The following PTPRK variants were observed in gnomAD, a reference collection of about 807,000 sequenced individuals.
PTPRK encodes the protein receptor-type tyrosine-protein phosphatase kappa.
PTPRK carries 75 observed loss-of-function variants against 178.0 expected under a neutral mutation model. The ratio of observed to expected loss-of-function variants is 0.42; its 90% CI spans 0.35 to 0.51. PTPRK has a LOEUF of 0.51. PTPRK is among the 20% of genes least tolerant of loss of function. The pLI is 0.02. For synonymous variants in PTPRK, 637 were observed against 620.6 expected, an observed-to-expected ratio of 1.03 and a Z score of -0.39; for missense variants, 1,441 against 1,797.8, an observed-to-expected ratio of 0.80 and a Z score of 3.59.
intron 13 of PTPRK, among the ~76,000 whole-genome samples, chr6:128,029,641 TAATAATAA>T (rs1489503340): frequency 2.7e-5 from 1 of 36,846 alleles, no homozygotes; most frequent in East Asian, 8.8e-4. Flanking sequence ...CATCTCAAAA[TAATAATAA>T]TAATAATAAT....
intron 1 of PTPRK, among the ~76,000 whole-genome samples, chr6:128,493,273 C>G (rs981918945): frequency 6.6e-6 from 1 of 152,132 alleles, no homozygotes; most frequent in Non-Finnish European, 1.5e-5. Flanking sequence ...ATGTACCCCC[C>G]GCTAACTGGC....
chr6:128,078,938 A>G lies in PTPRK; in HGVS notation c.1778-20T>C, dbSNP rs79489212. 2 of 1,497,150 alleles carry G rather than the reference A, an allele frequency of 1.3e-6. No individual in the cohort carries two copies. Among genetic ancestry groups the G allele is most frequent in the Non-Finnish European group, 1.9e-6 (2 of 1,075,094 alleles). 92.7% of individuals were successfully genotyped at this position (1,497,150 alleles called of 1,614,324 possible). On this transcript the variant is annotated intron_variant, in intron 10 of 29. Transcript: ENST00000368226. The stretch of plus-strand genomic sequence containing the variant: ...TTGGAGCTGATGAGTGATTAATGAG[A>G]TAAAAAAGGTTCAATTAATTTACAG...
At chr6:128,371,348 AGATT>A (rs1562377326) in intron 2 of PTPRK, among the ~76,000 whole-genome samples, 1 of 152,218 alleles carries the variant, frequency 6.6e-6, no homozygotes, top group Non-Finnish European at 1.5e-5. Context: ...TTTCTAACTC[AGATT>A]GATAGCTTGT....
intron 7 of PTPRK, among the ~76,000 whole-genome samples, chr6:128,180,764 A>G (rs1303591429): frequency 6.6e-6 from 1 of 152,106 alleles, no homozygotes; most frequent in Non-Finnish European, 1.5e-5. Flanking sequence ...ATATTAACCT[A>G]TATTTTCTCA....
intron 7 of PTPRK, among the ~76,000 whole-genome samples, chr6:128,112,266 G>C (rs145867829): frequency 6.6e-6 from 1 of 151,986 alleles, no homozygotes; most frequent in African/African-American, 2.4e-5. Flanking sequence ...ACACTGCAGA[G>C]AAATTTAGTA....
At chr6:127,992,252 C>G (rs968616369) in intron 19 of PTPRK, among the ~76,000 whole-genome samples, 1 of 151,660 alleles carries the variant, frequency 6.6e-6, no homozygotes, top group African/African-American at 2.4e-5. Context: ...CTTGACTCGT[C>G]AAAAAATTGC....
intron 1 of PTPRK, among the ~76,000 whole-genome samples, chr6:128,477,595 A>G (rs1851528798): frequency 6.6e-6 from 1 of 152,184 alleles, no homozygotes; most frequent in African/African-American, 2.4e-5. Flanking sequence ...AATAAATTAA[A>G]TTCTAAAAGC....
At chr6:128,169,397 G>A (rs1191314489) in intron 7 of PTPRK, among the ~76,000 whole-genome samples, 1 of 151,850 alleles carries the variant, frequency 6.6e-6, no homozygotes, top group East Asian at 1.9e-4. Flanking sequence ...AAACAAAGAA[G>A]CTTAAGTAAG....
intron 2 of PTPRK, among the ~76,000 whole-genome samples, chr6:128,364,510 CT>C (rs1163885476): frequency 3.3e-5 from 5 of 152,008 alleles, no homozygotes; most frequent in African/African-American, 1.2e-4. Flanking sequence ...TCATGAATAT[CT>C]CCCAAGTCTT....
intron 3 of PTPRK, among the ~76,000 whole-genome samples, chr6:128,314,644 T>G (rs1044009479): frequency 6.6e-6 from 1 of 152,098 alleles, no homozygotes; most frequent in African/African-American, 2.4e-5. Context: ...TAAATCACAG[T>G]AGACTAGCTA....
intron 1 of PTPRK, among the ~76,000 whole-genome samples, chr6:128,503,364 C>A (rs768033506): frequency 6.6e-6 from 1 of 152,170 alleles, no homozygotes; most frequent in East Asian, 1.9e-4. Context: ...TGGCCTGATC[C>A]GAGAAACTTA....
chr6:128,208,862 C>A (rs370469525), intron 6 of PTPRK, among the ~76,000 whole-genome samples: 1 of 152,080 alleles, frequency 6.6e-6, no homozygotes, highest in South Asian at 2.1e-4. Flanking sequence ...TTCCTAGCAC[C>A]CCAATCGAAA....
intron 1 of PTPRK, among the ~76,000 whole-genome samples, chr6:128,430,275 G>A (rs954857197): frequency 1.3e-5 from 2 of 152,138 alleles, no homozygotes; most frequent in African/African-American, 2.4e-5. Flanking sequence ...TTTTAACTCC[G>A]TAGTTTCCTC....
intron 1 of PTPRK, among the ~76,000 whole-genome samples, chr6:128,438,587 G>T (rs1355428826): frequency 6.6e-6 from 1 of 152,144 alleles, no homozygotes; most frequent in Non-Finnish European, 1.5e-5. Flanking sequence ...CTTTTGATTT[G>T]GGGATTGAAT....
At chr6:128,261,490 A>G (rs1485685046) in intron 3 of PTPRK, among the ~76,000 whole-genome samples, 1 of 152,170 alleles carries the variant, frequency 6.6e-6, no homozygotes, top group Non-Finnish European at 1.5e-5. Context: ...TTGAATTAGC[A>G]AAATGTTTGT....
At chr6:128,185,350 C>T (rs911906977) in intron 6 of PTPRK, among the ~76,000 whole-genome samples, 4 of 152,074 alleles carry the variant, frequency 2.6e-5, no homozygotes, top group Non-Finnish European at 5.9e-5. Flanking sequence ...CAAAGGCACA[C>T]TATAATTTAA....
intron 7 of PTPRK, among the ~76,000 whole-genome samples, chr6:128,122,453 A>G (rs886382874): frequency 1.3e-5 from 2 of 152,144 alleles, no homozygotes; most frequent in African/African-American, 4.8e-5. Context: ...CCCTCAGCAA[A>G]AGAGACTGAT....
At chr6:128,023,599 A>G (rs78470033) in intron 13 of PTPRK, among the ~76,000 whole-genome samples, 1 of 152,152 alleles carries the variant, frequency 6.6e-6, no homozygotes. Flanking sequence ...AACAAAAAAA[A>G]CCAAACTATC....
chr6:128,323,792 C>A (rs983414884), intron 2 of PTPRK, among the ~76,000 whole-genome samples: 9 of 151,940 alleles, frequency 5.9e-5, no homozygotes, highest in Admixed American at 2.6e-4. Flanking sequence ...TTGTTCACTT[C>A]TTTTTCCTAG....
Sources: allele counts gnomAD v4.1 joint callset (sites outside exome capture counted in the v4.1 genomes callset), GRCh38; gene constraint gnomAD v4.1.1; transcripts MANE v1.5; gene names NCBI Gene and HGNC (gene_info 2026-07-23, HGNC 2026-07-21).